Variants in ADGRG4 observed in about 807,000 individuals in gnomAD.
The protein encoded by ADGRG4 is adhesion G protein-coupled receptor G4.
ADGRG4 carries 122 observed loss-of-function variants against 126.2 expected under a neutral mutation model. The observed-to-expected ratio is 0.97, with a 90% confidence interval of 0.83 to 1.12. ADGRG4 has a LOEUF of 1.12. ADGRG4 is among the 50% of genes most tolerant of loss of function. ADGRG4 has a pLI of 0.00. For synonymous variants in ADGRG4, 943 were observed against 838.7 expected, an observed-to-expected ratio of 1.12 and a Z score of -2.15; for missense variants, 2,481 against 2,251.8, an observed-to-expected ratio of 1.10 and a Z score of -2.06.
chrX:136,347,066 G>T lies in ADGRG4; in HGVS notation c.3360G>T (p.Val1120=). 1 of 1,210,649 alleles carries T rather than the reference G, an allele frequency of 8.3e-7. No individual in the cohort carries two copies. Among genetic ancestry groups the T allele is most frequent in the Non-Finnish European group, 1.1e-6 (1 of 894,899 alleles). Residue 1120 remains valine, a synonymous_variant, in exon 6 of 26, where the codon GTG becomes GTT. Coordinates refer to ENST00000394143, the MANE Select transcript of ADGRG4 (RefSeq NM_153834.4). ...ATTCACTGAGACTCTCCACTCCTGT[G>T]ACAGCTAAGGCTGAGACCACCCTTT... ...PFHSLRLSTP[V]TAKAETTLFS... is the part of the protein sequence containing the mutation.
chrX:136,380,670 T>TTCTTCTTCC (rs1569333083), intron 15 of ADGRG4, among the ~76,000 whole-genome samples: 7 of 62,352 alleles, frequency 1.1e-4, no homozygotes, highest in African/African-American at 4.5e-4. Context: ...CCTCCTCCTC[T>TTCTTCTTCC]TCCTCCTCCT....
chrX:136,330,107 A>G (rs1161718927), intron 5 of ADGRG4, among the ~76,000 whole-genome samples: 1 of 110,852 alleles, frequency 9.0e-6, no homozygotes, highest in Non-Finnish European at 1.9e-5. Flanking sequence ...TCTAGTTTTT[A>G]TTATATTCAT....
chrX:136,396,683 T>C, intron 19 of ADGRG4, among the ~76,000 whole-genome samples: 1 of 108,875 alleles, frequency 9.2e-6, no homozygotes, highest in Non-Finnish European at 1.9e-5. Flanking sequence ...CTTGGTAAGG[T>C]TGTTTCCCTC....
chrX:136,307,248 C>G (rs1285929642), intron 3 of ADGRG4, among the ~76,000 whole-genome samples: 1 of 112,319 alleles, frequency 8.9e-6, no homozygotes, highest in African/African-American at 3.2e-5. Context: ...AATATCATCT[C>G]ATTTGATCCT....
intron 12 of ADGRG4, 27 bp downstream of exon 12, chrX:136,361,614 T>C: frequency 9.1e-7 from 1 of 1,103,095 alleles, no homozygotes; most frequent in Non-Finnish European, 1.2e-6. Context: ...TTCTAATTGC[T>C]GATTCAGATA....
chrX:136,398,064 T>C, intron 20 of ADGRG4, 62 bp downstream of exon 20: 1 of 1,052,028 alleles, frequency 9.5e-7, no homozygotes, highest in South Asian at 2.2e-5. Flanking sequence ...CTATTACCAT[T>C]GTAACTTTGT....
At chrX:136,302,434 G>A (rs1302260986) in intron 1 of ADGRG4, among the ~76,000 whole-genome samples, 1 of 112,024 alleles carries the variant, frequency 8.9e-6, no homozygotes, top group African/African-American at 3.2e-5. Flanking sequence ...CAAAATCAAT[G>A]TGCAAAAATC....
rs749940162 is a variant in ADGRG4, at chrX:136,347,110, C to G, written c.3404C>G (p.Thr1135Arg). The G allele has an allele frequency of 3.1e-5, 38 of 1,209,129 alleles. No individual in the cohort carries two copies. In the South Asian group the frequency reaches 6.2e-4, roughly 20 times the overall value. The part of the protein sequence containing the change: ...ETTLFSTSVD[T>R]VTPSTHTLVC... ...ACCCTTTTCTCTACCTCAGTTGATACAGTAACCCCATCTACACACACTCTT... is the reference window on the plus strand; with the variant it reads ...ACCCTTTTCTCTACCTCAGTTGATAGAGTAACCCCATCTACACACACTCTT... Residue 1135 changes from threonine (T) to arginine (R), a missense_variant, in exon 6 of 26, where the codon ACA becomes AGA. Coordinates refer to ENST00000394143, the MANE Select transcript of ADGRG4 (RefSeq NM_153834.4).
At chrX:136,416,318 A>G (rs2075475161) in intron 25 of ADGRG4, 136 bp from the exon 26 acceptor site, 1 of 479,442 alleles carries the variant, frequency 2.1e-6, no homozygotes, top group Non-Finnish European at 3.6e-6. Flanking sequence ...AAACAGTCCA[A>G]AGAAAGCACC....
intron 23 of ADGRG4, among the ~76,000 whole-genome samples, chrX:136,408,685 A>T (rs766062333): frequency 3.6e-5 from 4 of 111,883 alleles, no homozygotes; most frequent in Non-Finnish European, 7.5e-5. Context: ...ACATAAGGGT[A>T]CATGTGTCTT....
intron 23 of ADGRG4, 135 bp downstream of exon 23, chrX:136,406,107 C>T: frequency 2.9e-6 from 2 of 679,332 alleles, no homozygotes; most frequent in South Asian, 3.7e-5. Context: ...AGCCCACTCT[C>T]TCTTGCTCAG....
chrX:136,324,351 T>C (rs1162344920), intron 5 of ADGRG4, among the ~76,000 whole-genome samples: 2 of 111,998 alleles, frequency 1.8e-5, no homozygotes, highest in Admixed American at 1.9e-4. Flanking sequence ...AATTCCATTT[T>C]TTTACATTTA....
At chrX:136,332,226 G>A (rs2074916506) in intron 5 of ADGRG4, among the ~76,000 whole-genome samples, 1 of 102,351 alleles carries the variant, frequency 9.8e-6, no homozygotes, top group Admixed American at 1.1e-4. Flanking sequence ...TCATTGTTCA[G>A]TTCCCACCTA....
At position 136,345,842 on chromosome X, in the gene ADGRG4, AG is replaced by A. The variant is rs2075012572; in HGVS notation, c.2138del (p.Gly713ValfsTer19). 1.2e-5 allele frequency: 14 copies of A among 1,209,447 alleles called. No individual in the cohort carries two copies. The highest frequency in any genetic ancestry group is 1.5e-5 in the Non-Finnish European group (13 of 894,632). On this transcript the variant is annotated frameshift_variant, in exon 6 of 26. Transcript: ENST00000394143. LOFTEE classifies it high-confidence loss of function. ...TPLKASPEGK[G>X]TTANDATTAR... ...CACTGAAAGCATCTCCAGAGGGCAA[AG>A]GTACCACTGCCAATGATGCTACTAC...
At chrX:136,356,775 A>G (rs1174994444) in intron 9 of ADGRG4, among the ~76,000 whole-genome samples, 2 of 112,145 alleles carry the variant, frequency 1.8e-5, no homozygotes, top group Admixed American at 9.5e-5. Flanking sequence ...AGGTGGGAGG[A>G]TTGCTTGAGG....
chrX:136,384,563 G>A (rs769192138), intron 15 of ADGRG4, among the ~76,000 whole-genome samples: 1 of 111,675 alleles, frequency 9.0e-6, no homozygotes, highest in Admixed American at 9.5e-5. Flanking sequence ...CTTCCCTTCA[G>A]CTTAAAAAAA....
chrX:136,346,819 C>A lies in ADGRG4; in HGVS notation c.3113C>A (p.Thr1038Lys). ...ETEVTMSEPS[T>K]LARAFSTSVL... ...GAGGTTACCATGTCTGAGCCTTCTA[C>A]ACTGGCCAGGGCTTTTTCTACATCT... Residue 1038 changes from threonine (T) to lysine (K), a missense_variant, in exon 6 of 26, where the codon ACA (threonine) becomes AAA (lysine). Physicochemically the swap from Thr to Lys is moderately conservative, Grantham distance 78 (BLOSUM62 -1). Coordinates refer to ENST00000394143, the MANE Select transcript of ADGRG4 (RefSeq NM_153834.4). 1 of 1,211,508 alleles carries A rather than the reference C, an allele frequency of 8.3e-7. No homozygotes were observed. Among genetic ancestry groups the A allele is most frequent in the Non-Finnish European group, 1.1e-6 (1 of 895,187 alleles).
At chrX:136,382,110 TC>T (rs1240654649) in intron 15 of ADGRG4, among the ~76,000 whole-genome samples, 1 of 111,074 alleles carries the variant, frequency 9.0e-6, no homozygotes, top group Admixed American at 9.6e-5. Flanking sequence ...CCATCACAAG[TC>T]CATCCCTTTT....
In ADGRG4 at chrX:136,351,440, A is replaced by G; in HGVS notation, c.6728-7A>G. On this transcript the variant is annotated splice_polypyrimidine_tract_variant and splice_region_variant and intron_variant, in intron 6 of 25. Coordinates refer to ENST00000394143, the MANE Select transcript of ADGRG4 (RefSeq NM_153834.4). ...AATAAAATTAACCTCCTTATTTTTAATTACAGTTTCCTTCTACAATGTTGA... is the reference window on the plus strand; with the variant it reads ...AATAAAATTAACCTCCTTATTTTTAGTTACAGTTTCCTTCTACAATGTTGA... 1.9e-6 allele frequency: 2 copies of G among 1,048,713 alleles called. No individual in the cohort carries two copies. 86.4% of individuals were successfully genotyped at this position (1,048,713 alleles called of 1,213,427 possible). A position where few individuals can be genotyped will look rare whatever the true frequency, so the allele number is the denominator to read the frequency against.
Sources: gnomAD v4.1 joint callset for allele counts (sites outside exome capture counted in the v4.1 genomes callset) on GRCh38, gnomAD v4.1.1 for gene constraint, MANE v1.5 for transcripts, NCBI Gene and HGNC (gene_info 2026-07-23, HGNC 2026-07-21) for gene names.